Variants in FAM117B observed in about 807,000 individuals in gnomAD.
The protein encoded by FAM117B is family with sequence similarity 117 member B.
A neutral mutation model predicts 52.8 loss-of-function variants in FAM117B; 22 were observed. The ratio of observed to expected loss-of-function variants is 0.42; its 90% CI spans 0.30 to 0.59. The LOEUF (loss-of-function observed/expected upper bound fraction) is 0.59. Ranked by LOEUF, FAM117B falls within the 20% of genes least tolerant of loss-of-function variation. FAM117B has a pLI of 0.22. For synonymous variants in FAM117B, 309 were observed against 324.1 expected, an observed-to-expected ratio of 0.95 and a Z score of 0.50; for missense variants, 678 against 802.6, an observed-to-expected ratio of 0.84 and a Z score of 1.88.
intron 1 of FAM117B, among the ~76,000 whole-genome samples, chr2:202,642,244 C>T (rs1012274126): frequency 2.0e-5 from 3 of 150,564 alleles, no homozygotes; most frequent in East Asian, 1.9e-4. Context: ...TGAGCCACCA[C>T]GCCCAGCCAG....
intron 1 of FAM117B, among the ~76,000 whole-genome samples, chr2:202,652,131 C>T (rs1689967532): frequency 6.6e-6 from 1 of 151,438 alleles, no homozygotes; most frequent in Admixed American, 6.6e-5. Flanking sequence ...CAAGGTCTTG[C>T]TCTGTTTCCC....
At chr2:202,686,266 T>A (rs937393553) in intron 1 of FAM117B, among the ~76,000 whole-genome samples, 7 of 152,148 alleles carry the variant, frequency 4.6e-5, no homozygotes, top group African/African-American at 1.4e-4. Flanking sequence ...CAATGCCAGA[T>A]GTTGATGAGG....
chr2:202,640,137 G>A (rs1689745814), intron 1 of FAM117B, among the ~76,000 whole-genome samples: 1 of 150,940 alleles, frequency 6.6e-6, no homozygotes, highest in Admixed American at 6.6e-5. Context: ...CAGGTGTGGT[G>A]GCAGGCGCCT....
rs138541531 is a variant in FAM117B at position 202,741,693 on chromosome 2, C to T, written c.961-13845C>T. ...CTGGGACTACAGGCGCCCGCCACCT[C>T]GCCTGACTGATTTTTTGTATTTTTA... is the stretch of plus-strand genomic sequence containing the variant. On this transcript the variant is annotated intron_variant, in intron 4 of 7. Coordinates refer to ENST00000392238, the MANE Select transcript of FAM117B (RefSeq NM_173511.4). 4.6e-3 allele frequency among the ~76,000 whole-genome samples: 700 copies of T among 151,940 alleles called. 6 individuals are homozygous for T. Among genetic ancestry groups the T allele is most frequent in the African/African-American group, 0.015 (633 of 41,438 alleles).
intron 1 of FAM117B, among the ~76,000 whole-genome samples, chr2:202,644,073 T>TTTTTTTTTTTTTTTTTG (rs1689820652): frequency 6.9e-6 from 1 of 145,758 alleles, no homozygotes; most frequent in African/African-American, 2.6e-5. Flanking sequence ...TGTTTTTTTT[T>TTTTTTTTTTTTTTTTTG]TTTTTTTTTT....
At chr2:202,674,872 A>G (rs1448013960) in intron 1 of FAM117B, among the ~76,000 whole-genome samples, 1 of 152,174 alleles carries the variant, frequency 6.6e-6, no homozygotes, top group Non-Finnish European at 1.5e-5. Context: ...TTCTAGAGCT[A>G]TAATTCGCCA....
At chr2:202,667,537 T>A (rs1180572533) in intron 1 of FAM117B, among the ~76,000 whole-genome samples, 1 of 152,160 alleles carries the variant, frequency 6.6e-6, no homozygotes, top group African/African-American at 2.4e-5. Context: ...ATAATATTGC[T>A]CTGTTCTTGA....
At chr2:202,668,527 C>CAA (rs373784165) in intron 1 of FAM117B, among the ~76,000 whole-genome samples, 6,110 of 71,488 alleles carry the variant, frequency 0.085, 728 homozygotes, top group African/African-American at 0.27. Flanking sequence ...GACTCTCTCT[C>CAA]AAAAAAAAAA....
At chr2:202,696,165 G>A (rs1574559530) in intron 2 of FAM117B, 133 bp downstream of exon 2, 19 of 1,014,588 alleles carry the variant, frequency 1.9e-5, no homozygotes, top group Middle Eastern at 6.5e-4. Flanking sequence ...ACCAAAAAGA[G>A]CAGATTCCAA....
chr2:202,741,489 A>T (rs1324672314), intron 4 of FAM117B, among the ~76,000 whole-genome samples: 2 of 148,190 alleles, frequency 1.3e-5, no homozygotes, highest in African/African-American at 5.0e-5. Flanking sequence ...AGATAATATG[A>T]TAGTATATCT....
intron 2 of FAM117B, among the ~76,000 whole-genome samples, chr2:202,710,770 AGTT>A (rs1690945602): frequency 6.6e-6 from 1 of 152,078 alleles, no homozygotes; most frequent in Non-Finnish European, 1.5e-5. Flanking sequence ...CCATGAGTTC[AGTT>A]GTTTTAATTT....
At chr2:202,723,256 C>A (rs773383431) in intron 2 of FAM117B, among the ~76,000 whole-genome samples, 13 of 152,082 alleles carry the variant, frequency 8.5e-5, no homozygotes, top group Middle Eastern at 6.4e-3. Flanking sequence ...TTTTCCTTCC[C>A]CATTTGAAAC....
intron 2 of FAM117B, among the ~76,000 whole-genome samples, chr2:202,722,731 A>T (rs1349778469): frequency 6.6e-6 from 1 of 152,168 alleles, no homozygotes; most frequent in Non-Finnish European, 1.5e-5. Context: ...TACTAGGCTT[A>T]GTACCTGGGT....
chr2:202,693,065 C>T (rs1278557666), intron 1 of FAM117B, among the ~76,000 whole-genome samples: 1 of 152,156 alleles, frequency 6.6e-6, no homozygotes, highest in East Asian at 1.9e-4. Flanking sequence ...GTAGTTTTCC[C>T]AACCCCAGAT....
At chr2:202,635,908 C>A in intron 1 of FAM117B, 120 bp downstream of exon 1, 2 of 930,810 alleles carry the variant, frequency 2.1e-6, no homozygotes, top group Non-Finnish European at 2.7e-6. Flanking sequence ...GGGGGCGGGG[C>A]TGGGGGCGGT....
intron 1 of FAM117B, among the ~76,000 whole-genome samples, chr2:202,639,250 G>A (rs1329346444): frequency 1.3e-5 from 2 of 152,150 alleles, no homozygotes; most frequent in African/African-American, 2.4e-5. Flanking sequence ...TTAGGGATCC[G>A]GTATCTCAGA....
chr2:202,757,432 G>A lies in FAM117B; in HGVS notation c.1324G>A (p.Asp442Asn). The A allele has an allele frequency of 6.2e-7, 1 of 1,613,900 alleles. No individual in the cohort carries two copies. The highest frequency in any genetic ancestry group is 8.5e-7 in the Non-Finnish European group (1 of 1,179,926). Residue 442 changes from aspartate (D) to asparagine (N), a missense_variant, in exon 6 of 8, where the codon GAT (aspartate) becomes AAT (asparagine). Asp to Asn is a conservative substitution (Grantham distance 23). Around this residue, in one of 3 missense-constraint regions of FAM117B, gnomAD observed 583 missense variants for 644.8 expected, o/e 0.90. Coordinates refer to ENST00000392238, the MANE Select transcript of FAM117B (RefSeq NM_173511.4). ...GGATGACCTGCTTGTTGATCCCAGA[G>A]ATAAAGGTACAGTGCTGGAGGAATG... ...SADDLLVDPRDKENGNNSPLP... is the reference protein window; with the variant it reads ...SADDLLVDPRNKENGNNSPLP...
At chr2:202,735,348 G>C (rs918688705) in intron 4 of FAM117B, among the ~76,000 whole-genome samples, 10 of 152,162 alleles carry the variant, frequency 6.6e-5, no homozygotes, top group Admixed American at 5.2e-4. Flanking sequence ...TGCAGAAGAT[G>C]ATTTTTACTA....
intron 4 of FAM117B, among the ~76,000 whole-genome samples, chr2:202,735,166 T>G (rs149745124): frequency 1.2e-3 from 180 of 152,314 alleles, no homozygotes; most frequent in African/African-American, 3.7e-3. Flanking sequence ...GGTTATTTAG[T>G]TGGGTCCATT....
Sources: allele counts gnomAD v4.1 joint callset (sites outside exome capture counted in the v4.1 genomes callset), GRCh38; gene constraint gnomAD v4.1.1; regional missense constraint gnomAD v4.1.1; transcripts MANE v1.5; gene names NCBI Gene and HGNC (gene_info 2026-07-23, HGNC 2026-07-21).